USP22: variants seen among roughly 807,000 people sequenced by gnomAD.
USP22 encodes the protein ubiquitin carboxyl-terminal hydrolase 22.
USP22 carries 22 observed loss-of-function variants against 68.1 expected under a neutral mutation model. The observed-to-expected ratio is 0.32, with a 90% CI of 0.23 to 0.46. The LOEUF is 0.46. USP22 is among the 20% of genes least tolerant of loss of function. USP22 has a pLI of 1.00. For missense variants in USP22, 433 were observed against 695.8 expected, an observed-to-expected ratio of 0.62 and a Z score of 4.25; for synonymous variants, 279 against 274.2, an observed-to-expected ratio of 1.02 and a Z score of -0.17.
chr17:21,020,244 CAAA>C lies in USP22; in HGVS notation c.418+866_418+868del, dbSNP rs3047597. Among the ~76,000 whole-genome samples, 233 of 73,276 alleles carry C rather than the reference CAAA, an allele frequency of 3.2e-3. 1 individual carries two copies. Among genetic ancestry groups the C allele is most frequent in the African/African-American group, 0.011 (215 of 19,118 alleles). 48.1% of individuals were successfully genotyped at this position (73,276 alleles called of 152,430 possible). A position where few individuals can be genotyped will look rare whatever the true frequency, so the allele number is the denominator to read the frequency against. On this transcript the variant is annotated intron_variant, in intron 3 of 12. Transcript: ENST00000261497. ...ATGAGCATCTGTCAGAATCAAAAAC[CAAA>C]AAAAAAAAAAAAAAAAAAAAAAGGA...
intron 2 of USP22, among the ~76,000 whole-genome samples, chr17:21,024,586 A>T (rs1222536516): frequency 6.6e-6 from 1 of 152,246 alleles, no homozygotes; most frequent in Non-Finnish European, 1.5e-5. Flanking sequence ...TAAAACTCGT[A>T]GAAGAAAACT....
At chr17:21,011,051 C>T in intron 8 of USP22, 100 bp downstream of exon 8, 1 of 1,439,752 alleles carries the variant, frequency 6.9e-7, no homozygotes, top group Non-Finnish European at 9.2e-7. Flanking sequence ...TTTGCCCAGG[C>T]TCTGTCCTGG....
intron 9 of USP22, 104 bp downstream of exon 9, chr17:21,007,766 G>C: frequency 1.4e-6 from 2 of 1,415,994 alleles, no homozygotes; most frequent in Non-Finnish European, 2.0e-6. Flanking sequence ...CCTGCTTGCT[G>C]CAATTATAAA....
chr17:21,011,928 C>G (rs770162629), intron 7 of USP22, among the ~76,000 whole-genome samples: 2 of 152,276 alleles, frequency 1.3e-5, no homozygotes, highest in South Asian at 4.1e-4. Context: ...GTCCAAATTG[C>G]TCAGAGCAAA....
At chr17:21,003,719 T>C (rs1254698455) in intron 12 of USP22, among the ~76,000 whole-genome samples, 2 of 152,030 alleles carry the variant, frequency 1.3e-5, no homozygotes, top group African/African-American at 4.8e-5. Flanking sequence ...CTGGTCAACA[T>C]GGTGAAACCC....
At chr17:21,021,584 C>A (rs892456001) in intron 2 of USP22, among the ~76,000 whole-genome samples, 1 of 152,234 alleles carries the variant, frequency 6.6e-6, no homozygotes, top group East Asian at 1.9e-4. Context: ...CCACCTGACA[C>A]GGAGTGACTA....
chr17:21,032,858 G>C (rs1239841218), intron 1 of USP22, among the ~76,000 whole-genome samples: 1 of 144,844 alleles, frequency 6.9e-6, no homozygotes, highest in Admixed American at 7.0e-5. Context: ...AGGAGGTCAA[G>C]GCTGCAGTGA....
chr17:21,012,640 CACCTGCCCTACG>C (rs1393314821), intron 7 of USP22, among the ~76,000 whole-genome samples, 178 bp downstream of exon 7: 1 of 151,712 alleles, frequency 6.6e-6, no homozygotes, highest in Non-Finnish European at 1.5e-5. Flanking sequence ...CCCGAGGGGA[CACCTGCCCTACG>C]ACCTCCCCAA....
chr17:21,027,292 C>CAAAAAAAAAAAAAAAAAAAAAAAAA (rs71357459), intron 2 of USP22, among the ~76,000 whole-genome samples: 24 of 72,274 alleles, frequency 3.3e-4, no homozygotes, highest in Admixed American at 5.0e-4. Context: ...ACCCTGTCTC[C>CAAAAAAAAAAAAAAAAAAAAAAAAA]AAAAAAAAAA....
At chr17:21,038,042 GT>G (rs550630641) in intron 1 of USP22, among the ~76,000 whole-genome samples, 108 of 152,272 alleles carry the variant, frequency 7.1e-4, no homozygotes, top group Non-Finnish European at 1.2e-3. Context: ...ATGGTGTAAT[GT>G]TTTGTTGTGA....
In USP22 at chr17:21,019,051, G is replaced by C. The variant is rs544314591; in HGVS notation, c.520+33C>G. 2.3e-4 allele frequency: 366 copies of C among 1,601,926 alleles called. 1 individual carries two copies. The highest frequency in any genetic ancestry group is 3.7e-4 in the Admixed American group (22 of 59,954). ...ATTTACTTTTAAACCCTGGAAAGAA[G>C]CCTAGCTGAGAGTGACGACACGCTC... On this transcript the variant is annotated intron_variant, in intron 4 of 12. Coordinates refer to ENST00000261497, the MANE Select transcript of USP22 (RefSeq NM_015276.2).
At chr17:21,004,122 G>A in intron 12 of USP22, 80 bp downstream of exon 12, 3 of 1,555,618 alleles carry the variant, frequency 1.9e-6, no homozygotes, top group Non-Finnish European at 2.6e-6. Context: ...TCTAGGCTCA[G>A]ACATGGGCTA....
At chr17:21,038,015 G>C (rs1367275315) in intron 1 of USP22, among the ~76,000 whole-genome samples, 1 of 152,150 alleles carries the variant, frequency 6.6e-6, no homozygotes, top group African/African-American at 2.4e-5. Flanking sequence ...CTTTTACTTA[G>C]ACCCCACTTA....
At chr17:21,005,161 A>C in intron 10 of USP22, 171 bp from the exon 11 acceptor site, 1 of 774,802 alleles carries the variant, frequency 1.3e-6, no homozygotes, top group Non-Finnish European at 2.0e-6. Context: ...ACTGACGCTC[A>C]AGCTGTGGAG....
In USP22 at chr17:21,004,226, A is replaced by G; in HGVS notation, c.1511T>C (p.Ile504Thr). 1 of 1,614,162 alleles carries G rather than the reference A, an allele frequency of 6.2e-7. No homozygotes were observed. Among genetic ancestry groups the G allele is most frequent in the Non-Finnish European group, 8.5e-7 (1 of 1,180,006 alleles). The change falls in exon 12 of 13, where the codon ATC (isoleucine) becomes ACC (threonine). Residue 504 changes from isoleucine (I) to threonine (T), a missense_variant. Ile to Thr is a moderately conservative substitution (Grantham distance 89). Coordinates refer to ENST00000261497, the MANE Select transcript of USP22 (RefSeq NM_015276.2). Reference protein sequence around the residue: ...CDDAIITKASIKDVLDSEGYL... With the variant: ...CDDAIITKASTKDVLDSEGYL... ...CCCTTCGCTGTCCAGGACGTCCTTGATGCTGGCCTTGGTGATGATGGCATC... is the reference window on the plus strand; with the variant it reads ...CCCTTCGCTGTCCAGGACGTCCTTGGTGCTGGCCTTGGTGATGATGGCATC...
chr17:21,004,656 G>A (rs55971210), intron 11 of USP22, among the ~76,000 whole-genome samples: 3,924 of 152,340 alleles, frequency 0.026, 70 homozygotes, highest in Middle Eastern at 0.065. Context: ...AAGGCAAGAA[G>A]AATGAACACC....
At chr17:21,034,661 T>G (rs1972332453) in intron 1 of USP22, among the ~76,000 whole-genome samples, 1 of 152,190 alleles carries the variant, frequency 6.6e-6, no homozygotes, top group South Asian at 2.1e-4. Flanking sequence ...GTAGCTGTCT[T>G]GCTGATCACA....
chr17:21,016,191 C>T (rs7209129), intron 5 of USP22, among the ~76,000 whole-genome samples: 85,053 of 152,070 alleles, frequency 0.56, 24,189 homozygotes, highest in Middle Eastern at 0.6. Flanking sequence ...AAAAGTGACT[C>T]GATTTGCCCA....
intron 4 of USP22, chr17:21,018,387 G>T (rs1972113846): frequency 3.3e-6 from 1 of 303,026 alleles, no homozygotes; most frequent in Non-Finnish European, 6.1e-6. Flanking sequence ...GGCCAGGTCA[G>T]AGTGAAGCCT....
Sources: gnomAD v4.1 joint callset for allele counts (sites outside exome capture counted in the v4.1 genomes callset) on GRCh38, gnomAD v4.1.1 for gene constraint, MANE v1.5 for transcripts, NCBI Gene and HGNC (gene_info 2026-07-23, HGNC 2026-07-21) for gene names.